The following GNB5 variants were observed in gnomAD, a reference collection of about 807,000 sequenced individuals.
GNB5 encodes G protein subunit beta 5, also known as guanine nucleotide-binding protein subunit beta-5.
In GNB5, 37 loss-of-function variants were observed where a neutral mutation model predicts 55.3. The observed-to-expected ratio is 0.67, with a 90% CI of 0.51 to 0.88. GNB5 has a LOEUF of 0.88. Among genes scored for constraint, GNB5 ranks in the 40% least tolerant of loss-of-function variants. The pLI, the probability that GNB5 is intolerant of heterozygous loss-of-function variation, is 0.00. For missense variants in GNB5, 476 were observed against 515.3 expected (o/e 0.92, Z 0.74); for synonymous variants, 219 against 198.5 (o/e 1.10, Z -0.87).
At chr15:52,161,239 T>G (rs901266485) in intron 3 of GNB5, among the ~76,000 whole-genome samples, 1 of 151,982 alleles carries the variant, frequency 6.6e-6, no homozygotes, top group African/African-American at 2.4e-5. Context: ...AATCAAGGAG[T>G]AGGTGAGGCA....
At position 52,116,881 on chromosome 15, in the gene GNB5, ATCC is replaced by A. The variant is rs1356508491; in HGVS notation, c.*5873_*5875del. 2.1e-4 allele frequency: 32 copies of A among 150,798 alleles called. 1 individual carries two copies. Among genetic ancestry groups the A allele is most frequent in the Admixed American group, 1.8e-3 (27 of 15,134 alleles). 9.3% of individuals were successfully genotyped at this position (150,798 alleles called of 1,614,324 possible). A position where few individuals can be genotyped will look rare whatever the true frequency, so the allele number is the denominator to read the frequency against. ...ATAATTATTTCAAAACCATTATGTAATCCTCCTCATTTTTTCCTTTAAAAACCT... is the reference window on the plus strand; with the variant it reads ...ATAATTATTTCAAAACCATTATGTAATCCTCATTTTTTCCTTTAAAAACCT... On this transcript the variant is annotated 3_prime_UTR_variant, in exon 13 of 13. Transcript: ENST00000261837.
intron 11 of GNB5, 176 bp from the exon 12 acceptor site, chr15:52,124,815 G>A: frequency 1.7e-6 from 1 of 588,464 alleles, no homozygotes; most frequent in Non-Finnish European, 3.1e-6. Context: ...CCTGTTGGAG[G>A]ATGTGGGGCT....
In GNB5 at chr15:52,115,354, C is replaced by T. The variant is rs2033127520; in HGVS notation, c.*7403G>A. 6.6e-6 allele frequency: 1 copy of T among 152,208 alleles called. No homozygotes were observed. The highest frequency in any genetic ancestry group is 1.5e-5 in the Non-Finnish European group (1 of 68,040). The allele number at this position is 152,208 out of a possible 1,614,324, so 9.4% of individuals were successfully genotyped here. ...TTTGTAATAAGACTCGGTGAAAATC[C>T]TGTCTCTGCAACTTGGAAGCTGTGC... On this transcript the variant is annotated 3_prime_UTR_variant, in exon 13 of 13. Coordinates refer to ENST00000261837, the MANE Select transcript of GNB5 (RefSeq NM_016194.4).
At chr15:52,175,655 C>T (rs1039518907) in intron 3 of GNB5, among the ~76,000 whole-genome samples, 6 of 152,102 alleles carry the variant, frequency 3.9e-5, no homozygotes, top group Non-Finnish European at 7.4e-5. Flanking sequence ...AGGAGAATCG[C>T]TTGAACCTGG....
chr15:52,170,832 G>A lies in GNB5; in HGVS notation c.238+8936C>T, dbSNP rs1010948248. Among the ~76,000 whole-genome samples the A allele has an allele frequency of 1.1e-4, 17 of 152,076 alleles. No homozygotes were observed. The East Asian group carries it at 1.2e-3, about 10-fold the overall frequency. On this transcript the variant is annotated intron_variant, in intron 3 of 12. Coordinates refer to ENST00000261837, the MANE Select transcript of GNB5 (RefSeq NM_016194.4). ...CTTAAAAAAATTCATGAGGCTGGGC[G>A]TGGTGGCTCATGCCTGTAATCCCAG...
chr15:52,160,195 G>A lies in GNB5; in HGVS notation c.239-6119C>T, dbSNP rs554802924. On this transcript the variant is annotated intron_variant, in intron 3 of 12. Coordinates refer to ENST00000261837, the MANE Select transcript of GNB5 (RefSeq NM_016194.4). ...ACTCCTGACCTCAGGAGATCCACCC[G>A]CCTCTGCCTCCCAAAGTGTTGGGAT... Among the ~76,000 whole-genome samples the A allele has an allele frequency of 1.1e-3, 170 of 152,240 alleles. 1 individual carries two copies. Among genetic ancestry groups the A allele is most frequent in the Non-Finnish European group, 2.1e-3 (140 of 68,008 alleles).
intron 3 of GNB5, among the ~76,000 whole-genome samples, chr15:52,163,033 C>T (rs1057268596): frequency 8.5e-5 from 13 of 152,180 alleles, no homozygotes; most frequent in East Asian, 3.9e-4. Flanking sequence ...TCACAGAGAG[C>T]GAGGAAAAGC....
chr15:52,135,159 A>C (rs1387520353), intron 8 of GNB5, among the ~76,000 whole-genome samples: 1 of 151,794 alleles, frequency 6.6e-6, no homozygotes, highest in Non-Finnish European at 1.5e-5. Flanking sequence ...AGAGTGCCCC[A>C]CAGGCCTCAA....
chr15:52,164,810 C>A (rs192127224), intron 3 of GNB5, among the ~76,000 whole-genome samples: 1 of 151,930 alleles, frequency 6.6e-6, no homozygotes, highest in East Asian at 1.9e-4. Flanking sequence ...CTCTTCTCCA[C>A]GTGATCACAG....
intron 1 of GNB5, among the ~76,000 whole-genome samples, chr15:52,190,409 G>A (rs936903712): frequency 3.3e-5 from 5 of 152,014 alleles, no homozygotes; most frequent in African/African-American, 1.2e-4. Flanking sequence ...GAGCCACCGC[G>A]CCCAGCCCAA....
intron 9 of GNB5, among the ~76,000 whole-genome samples, chr15:52,129,245 C>T (rs879873741): frequency 5.3e-5 from 8 of 152,064 alleles, no homozygotes; most frequent in Admixed American, 1.3e-4. Context: ...CGTGAGTCAC[C>T]GCACCCACGC....
At chr15:52,132,168 A>ACC (rs58470691) in intron 9 of GNB5, among the ~76,000 whole-genome samples, 77,812 of 151,466 alleles carry the variant, frequency 0.51, 23,572 homozygotes, top group East Asian at 0.85. Context: ...GGGCTCAAGT[A>ACC]TGCACAAACA....
intron 9 of GNB5, among the ~76,000 whole-genome samples, chr15:52,131,387 A>G (rs2033570717): frequency 6.6e-6 from 1 of 152,218 alleles, no homozygotes; most frequent in Non-Finnish European, 1.5e-5. Context: ...ATATGCAAAT[A>G]CTATACCACT....
intron 3 of GNB5, among the ~76,000 whole-genome samples, chr15:52,171,605 G>C (rs1015968884): frequency 6.6e-6 from 1 of 152,228 alleles, no homozygotes; most frequent in African/African-American, 2.4e-5. Context: ...CAGGAGGCAT[G>C]TGGCCAAACA....
At chr15:52,137,913 C>G (rs1267989907) in intron 7 of GNB5, 1 of 1,287,120 alleles carries the variant, frequency 7.8e-7, no homozygotes. Flanking sequence ...TAAGTGTCCA[C>G]AAGAGAGCCC....
intron 1 of GNB5, among the ~76,000 whole-genome samples, chr15:52,185,247 C>T (rs1055981366): frequency 2.6e-5 from 4 of 152,202 alleles, no homozygotes; most frequent in South Asian, 2.1e-4. Context: ...AGGCCCAGGC[C>T]GCTGCAGGGA....
intron 3 of GNB5, among the ~76,000 whole-genome samples, chr15:52,175,014 A>G (rs1026740913): frequency 1.3e-5 from 2 of 152,150 alleles, no homozygotes; most frequent in Admixed American, 6.5e-5. Flanking sequence ...CGGAGGTTGC[A>G]GCGAGCCGAG....
intron 12 of GNB5, among the ~76,000 whole-genome samples, chr15:52,124,036 A>G (rs1385351385): frequency 1.3e-5 from 2 of 151,920 alleles, no homozygotes; most frequent in African/African-American, 4.8e-5. Context: ...AAGGAAGAAA[A>G]AAGTAATAAT....
intron 6 of GNB5, among the ~76,000 whole-genome samples, chr15:52,142,128 T>C (rs770371291): frequency 1.6e-4 from 24 of 152,206 alleles, no homozygotes; most frequent in Non-Finnish European, 2.9e-4. Context: ...TTCTTTCTTA[T>C]TGCTTCATGT....
Sources: allele counts gnomAD v4.1 joint callset (sites outside exome capture counted in the v4.1 genomes callset), GRCh38; gene constraint gnomAD v4.1.1; transcripts MANE v1.5; gene names NCBI Gene and HGNC (gene_info 2026-07-23, HGNC 2026-07-21).